Variants in TRIM44 observed in about 807,000 individuals in gnomAD.
TRIM44 encodes the protein tripartite motif-containing protein 44.
A neutral mutation model predicts 37.4 loss-of-function variants in TRIM44; 13 were observed. That is an observed-to-expected ratio of 0.35 (90% confidence interval 0.23 to 0.55). The LOEUF is 0.55. TRIM44 is among the 20% of genes least tolerant of loss of function. The pLI is 0.89. For missense variants in TRIM44, 426 were observed against 437.2 expected (o/e 0.97, Z 0.23); for synonymous variants, 175 against 157.2 (o/e 1.11, Z -0.85).
intron 4 of TRIM44, among the ~76,000 whole-genome samples, chr11:35,761,388 GCT>G (rs58015445): frequency 8.9e-6 from 1 of 112,756 alleles, no homozygotes; most frequent in Non-Finnish European, 1.9e-5. Flanking sequence ...TGTATTGTTT[GCT>G]CTCTCTCTCT....
intron 1 of TRIM44, among the ~76,000 whole-genome samples, chr11:35,673,842 AG>A (rs1851428572): frequency 6.6e-6 from 1 of 152,018 alleles, no homozygotes; most frequent in African/African-American, 2.4e-5. Context: ...CACTCTTGAC[AG>A]GGAGGTTGCC....
intron 4 of TRIM44, among the ~76,000 whole-genome samples, chr11:35,760,037 T>G (rs993335682): frequency 6.6e-6 from 1 of 152,242 alleles, no homozygotes; most frequent in African/African-American, 2.4e-5. Flanking sequence ...CAGGGACATA[T>G]AAGTCTGCAG....
chr11:35,756,924 A>G (rs1386098774), intron 4 of TRIM44, among the ~76,000 whole-genome samples: 1 of 151,928 alleles, frequency 6.6e-6, no homozygotes, highest in Non-Finnish European at 1.5e-5. Context: ...TTTATTGAGG[A>G]TTTTGGCGTC....
chr11:35,771,402 G>GT (rs1160820090), intron 4 of TRIM44, among the ~76,000 whole-genome samples: 2 of 152,196 alleles, frequency 1.3e-5, no homozygotes, highest in South Asian at 4.1e-4. Flanking sequence ...GCAGCAAAGT[G>GT]TTCAAAAGGT....
intron 4 of TRIM44, among the ~76,000 whole-genome samples, chr11:35,786,416 G>A (rs1853131678): frequency 6.6e-6 from 1 of 152,162 alleles, no homozygotes; most frequent in Non-Finnish European, 1.5e-5. Flanking sequence ...AAGATAAATA[G>A]GTTGACTCTT....
chr11:35,692,666 T>A (rs1851650738), intron 2 of TRIM44, among the ~76,000 whole-genome samples: 1 of 152,176 alleles, frequency 6.6e-6, no homozygotes, highest in African/African-American at 2.4e-5. Context: ...GGCTCACGCC[T>A]GTAATCCCAA....
intron 4 of TRIM44, among the ~76,000 whole-genome samples, chr11:35,804,276 C>T (rs1332754090): frequency 6.6e-6 from 1 of 152,162 alleles, no homozygotes; most frequent in Non-Finnish European, 1.5e-5. Flanking sequence ...GACTTCAGAC[C>T]TTTTCCCCAA....
chr11:35,796,936 T>C (rs1248667638), intron 4 of TRIM44, among the ~76,000 whole-genome samples: 2 of 152,264 alleles, frequency 1.3e-5, no homozygotes, highest in East Asian at 3.9e-4. Context: ...GGCAAGGGTG[T>C]GGGGAAAATG....
intron 2 of TRIM44, among the ~76,000 whole-genome samples, chr11:35,720,909 CTT>C (rs549626841): frequency 1.4e-4 from 19 of 137,946 alleles, no homozygotes; most frequent in Admixed American, 3.0e-4. Context: ...GTATATAATT[CTT>C]TTTTTTTTTT....
At chr11:35,685,883 C>T (rs781615822) in intron 2 of TRIM44, among the ~76,000 whole-genome samples, 7 of 152,094 alleles carry the variant, frequency 4.6e-5, no homozygotes, top group East Asian at 1.9e-4. Context: ...AGGCTGGTCT[C>T]GAACTCCTGA....
chr11:35,664,187 C>G (rs1019813082), intron 1 of TRIM44, among the ~76,000 whole-genome samples: 9 of 152,120 alleles, frequency 5.9e-5, no homozygotes, highest in Admixed American at 1.3e-4. Context: ...AGGATTTTGC[C>G]ACATGAATCC....
At chr11:35,738,061 T>G (rs1341194046) in intron 4 of TRIM44, among the ~76,000 whole-genome samples, 1 of 152,174 alleles carries the variant, frequency 6.6e-6, no homozygotes, top group Non-Finnish European at 1.5e-5. Flanking sequence ...GTCAGAGCCC[T>G]AGACTTACTT....
chr11:35,676,782 T>C (rs951403120), intron 1 of TRIM44, among the ~76,000 whole-genome samples: 1 of 152,218 alleles, frequency 6.6e-6, no homozygotes, highest in African/African-American at 2.4e-5. Flanking sequence ...CTCTAACCTG[T>C]GTTGATTGGT....
At chr11:35,755,122 C>T (rs1199587042) in intron 4 of TRIM44, among the ~76,000 whole-genome samples, 2 of 152,218 alleles carry the variant, frequency 1.3e-5, no homozygotes, top group Non-Finnish European at 2.9e-5. Flanking sequence ...CTCCCACCAA[C>T]AGTGTAAAAG....
At chr11:35,717,363 A>G (rs1337970359) in intron 2 of TRIM44, among the ~76,000 whole-genome samples, 1 of 152,164 alleles carries the variant, frequency 6.6e-6, no homozygotes, top group Non-Finnish European at 1.5e-5. Context: ...GGTGGGGGAA[A>G]AAAGGGTAGC....
At chr11:35,665,480 T>C (rs1851320341) in intron 1 of TRIM44, among the ~76,000 whole-genome samples, 1 of 152,122 alleles carries the variant, frequency 6.6e-6, no homozygotes, top group Non-Finnish European at 1.5e-5. Flanking sequence ...TGATTACTAA[T>C]GACTTTGAGG....
In TRIM44 at chr11:35,800,178, C is replaced by A. The variant is rs544427817; in HGVS notation, c.1008-6180C>A. Among the ~76,000 whole-genome samples the A allele has an allele frequency of 2.6e-5, 4 of 152,260 alleles. No individual in the cohort carries two copies. In the South Asian group the frequency reaches 8.3e-4, roughly 32 times the overall value. On this transcript the variant is annotated intron_variant, in intron 4 of 4. Transcript: ENST00000299413. ...CAGATGTGTCCGGAGTTTCTTCCTT[C>A]CAGTGGGTTTGTGGTCTTGCTGACT...
chr11:35,686,627 G>A (rs1029275564), intron 2 of TRIM44, among the ~76,000 whole-genome samples: 2 of 151,998 alleles, frequency 1.3e-5, no homozygotes, highest in Non-Finnish European at 2.9e-5. Context: ...CATGATCTCG[G>A]CTCAGTGCAA....
At chr11:35,752,046 T>A (rs530948265) in intron 4 of TRIM44, among the ~76,000 whole-genome samples, 2 of 152,328 alleles carry the variant, frequency 1.3e-5, no homozygotes, top group African/African-American at 4.8e-5. Context: ...AAAACATAAC[T>A]CTTGTTTTCT....
Sources: allele counts gnomAD v4.1 joint callset (sites outside exome capture counted in the v4.1 genomes callset), GRCh38; gene constraint gnomAD v4.1.1; transcripts MANE v1.5; gene names NCBI Gene and HGNC (gene_info 2026-07-23, HGNC 2026-07-21).